KCNK13: variants seen among roughly 807,000 people sequenced by gnomAD.
KCNK13 encodes the protein potassium two pore domain channel subfamily K member 13, also known as potassium channel subfamily K member 13.
In KCNK13, 12 loss-of-function variants were observed where a neutral mutation model predicts 23.4. The ratio of observed to expected loss-of-function variants is 0.51; its 90% CI spans 0.33 to 0.83. KCNK13 has a LOEUF of 0.83. KCNK13 is among the 40% of genes least tolerant of loss of function. The pLI is 0.02. For synonymous variants in KCNK13, 231 were observed against 229.5 expected (o/e 1.01, Z -0.06); for missense variants, 463 against 556.3 (o/e 0.83, Z 1.69).
At chr14:90,063,065 G>A (rs940050111) in intron 1 of KCNK13, among the ~76,000 whole-genome samples, 1 of 151,988 alleles carries the variant, frequency 6.6e-6, no homozygotes, top group Non-Finnish European at 1.5e-5. Context: ...TGCCAATGAC[G>A]GTTCAAAAGA....
chr14:90,134,686 C>T (rs1319347132), intron 1 of KCNK13, among the ~76,000 whole-genome samples: 1 of 152,216 alleles, frequency 6.6e-6, no homozygotes, highest in Non-Finnish European at 1.5e-5. Context: ...ATTTAATCCT[C>T]ATACTATTCT....
Position 90,132,604 on chromosome 14 carries a change from A to G in KCNK13, c.335-51507A>G, listed in dbSNP as rs371106175. Among the ~76,000 whole-genome samples the G allele has an allele frequency of 4.0e-5, 6 of 151,470 alleles. No homozygotes were observed. In the East Asian group the frequency reaches 1.2e-3, roughly 29 times the overall value. ...GGAGTTTACCTGGGTTGGGAGGAGGAGGGAATAGGGAATTATTTAGTGGGC... is the reference window on the plus strand; with the variant it reads ...GGAGTTTACCTGGGTTGGGAGGAGGGGGGAATAGGGAATTATTTAGTGGGC... On this transcript the variant is annotated intron_variant, in intron 1 of 1. Transcript: ENST00000282146.
In KCNK13 at chr14:90,184,698, C is replaced by G. The variant is rs990117046; in HGVS notation, c.922C>G (p.Arg308Gly). The change falls in exon 2 of 2, where the codon CGA becomes GGA. Residue 308 changes from arginine (R) to glycine (G), a missense_variant. By Grantham distance (125) the Arg-to-Gly change is moderately radical. This residue lies in a region of KCNK13 where 166 missense variants were observed against 178.8 expected (regional missense o/e 0.93). Transcript: ENST00000282146. This position sits in a 1 kb window ranked among gnomAD's most constrained non-coding sequence, Gnocchi z 5.6. ...CCCGCAATGCCAGAGAGGACTCTTG[C>G]GATCACGCAGGAACGTGGTGATGCC... is the stretch of plus-strand genomic sequence containing the variant. ...CCPQCQRGLL[R>G]SRRNVVMPGS... The G allele has an allele frequency of 1.4e-5, 22 of 1,614,116 alleles. No homozygotes were observed. Among genetic ancestry groups the G allele is most frequent in the Non-Finnish European group, 1.8e-5 (21 of 1,180,058 alleles).
chr14:90,157,840 A>G (rs1389066397), intron 1 of KCNK13, among the ~76,000 whole-genome samples: 1 of 151,186 alleles, frequency 6.6e-6, no homozygotes, highest in African/African-American at 2.4e-5. Flanking sequence ...AGCTGGGACT[A>G]CAGGCATGTG....
chr14:90,062,671 G>T lies in KCNK13; in HGVS notation c.334+132G>T, dbSNP rs1459820383. 2 of 651,196 alleles carry T rather than the reference G, an allele frequency of 3.1e-6. No individual in the cohort carries two copies. Among genetic ancestry groups the T allele is most frequent in the Non-Finnish European group, 4.9e-6 (2 of 404,588 alleles). The allele number at this position is 651,196 out of a possible 1,614,324, so 40.3% of individuals were successfully genotyped here. On this transcript the variant is annotated intron_variant, in intron 1 of 1. Transcript: ENST00000282146. This position sits in a 1 kb window ranked among gnomAD's most constrained non-coding sequence, Gnocchi z 4.5. Reference sequence around the variant, plus strand: ...CCAGACTCCACTGACATGAGCTGTCGCCTGATCAACAGGTGGTATTGCCTC... The same window carrying T: ...CCAGACTCCACTGACATGAGCTGTCTCCTGATCAACAGGTGGTATTGCCTC...
At chr14:90,156,196 G>A (rs1283011415) in intron 1 of KCNK13, among the ~76,000 whole-genome samples, 1 of 72,638 alleles carries the variant, frequency 1.4e-5, no homozygotes, top group Non-Finnish European at 2.7e-5. Flanking sequence ...CAGAGTGAGA[G>A]TCTGGCCAAA....
At chr14:90,074,347 A>T (rs186920278) in intron 1 of KCNK13, among the ~76,000 whole-genome samples, 1 of 152,198 alleles carries the variant, frequency 6.6e-6, no homozygotes, top group African/African-American at 2.4e-5. Context: ...TTGTTCAGCC[A>T]CTTTTTTATT....
At chr14:90,172,981 A>G (rs146968748) in intron 1 of KCNK13, among the ~76,000 whole-genome samples, 1 of 152,360 alleles carries the variant, frequency 6.6e-6, no homozygotes, top group East Asian at 1.9e-4. Flanking sequence ...GCCCCCTTCC[A>G]AGCCTCACTC....
At chr14:90,173,095 C>T (rs1156675767) in intron 1 of KCNK13, among the ~76,000 whole-genome samples, 3 of 152,254 alleles carry the variant, frequency 2.0e-5, no homozygotes, top group Admixed American at 6.5e-5. Flanking sequence ...TTCAAATTAC[C>T]GTGAAACCTA....
intron 1 of KCNK13, among the ~76,000 whole-genome samples, chr14:90,135,215 A>G (rs1048240202): frequency 9.2e-5 from 14 of 152,228 alleles, no homozygotes; most frequent in African/African-American, 3.4e-4. Flanking sequence ...GATAAGGTTG[A>G]AGTGGGTTTC....
At chr14:90,070,651 C>T (rs1163857675) in intron 1 of KCNK13, among the ~76,000 whole-genome samples, 2 of 152,184 alleles carry the variant, frequency 1.3e-5, no homozygotes, top group African/African-American at 4.8e-5. Flanking sequence ...GTGCTTAAAT[C>T]TTTTTCCATC....
At chr14:90,153,430 A>G (rs1052981713) in intron 1 of KCNK13, among the ~76,000 whole-genome samples, 9 of 152,220 alleles carry the variant, frequency 5.9e-5, no homozygotes, top group Non-Finnish European at 1.2e-4. Context: ...GAATAAAATG[A>G]TCCATGTAAA....
At chr14:90,099,471 T>C (rs1435209324) in intron 1 of KCNK13, among the ~76,000 whole-genome samples, 7 of 152,124 alleles carry the variant, frequency 4.6e-5, no homozygotes, top group African/African-American at 7.2e-5. Flanking sequence ...CCAAGAGAAA[T>C]AGAATGCTCA....
intron 1 of KCNK13, among the ~76,000 whole-genome samples, chr14:90,084,637 A>T (rs1889251534): frequency 3.3e-5 from 5 of 151,950 alleles, no homozygotes; most frequent in Admixed American, 3.3e-4. Context: ...CCTTTATTTC[A>T]TGCTTGACTA....
intron 1 of KCNK13, among the ~76,000 whole-genome samples, chr14:90,078,598 A>G (rs1889170091): frequency 6.6e-6 from 1 of 151,902 alleles, no homozygotes; most frequent in African/African-American, 2.4e-5. Flanking sequence ...GGGAGAAAAG[A>G]GAAAGAAAGA....
intron 1 of KCNK13, among the ~76,000 whole-genome samples, chr14:90,173,348 C>A (rs765866808): frequency 6.6e-6 from 1 of 152,034 alleles, no homozygotes; most frequent in African/African-American, 2.4e-5. Flanking sequence ...CGGAGTGAGA[C>A]CCCACCTCTA....
intron 1 of KCNK13, among the ~76,000 whole-genome samples, chr14:90,150,984 GAAAA>G (rs891422288): frequency 6.6e-6 from 1 of 150,626 alleles, no homozygotes; most frequent in African/African-American, 2.4e-5. Context: ...GTCTCAAAAA[GAAAA>G]AAAAAGTGTG....
intron 1 of KCNK13, among the ~76,000 whole-genome samples, chr14:90,142,313 CTTTTTTTTTTT>C (rs59863610): frequency 1.2e-5 from 1 of 85,250 alleles, no homozygotes; most frequent in African/African-American, 5.1e-5. Context: ...CTGTCCAATT[CTTTTTTTTTTT>C]TTTTTTTTTT....
At chr14:90,151,912 G>A (rs565900031) in intron 1 of KCNK13, among the ~76,000 whole-genome samples, 37 of 152,256 alleles carry the variant, frequency 2.4e-4, no homozygotes, top group Admixed American at 1.0e-3. Flanking sequence ...TGGCACTTTC[G>A]TCAAAGATCA....
Sources: gnomAD v4.1 joint callset for allele counts (sites outside exome capture counted in the v4.1 genomes callset) on GRCh38, gnomAD v4.1.1 for gene constraint, gnomAD v4.1.1 regional missense constraint, Gnocchi (gnomAD v3.1) non-coding constraint, MANE v1.5 for transcripts, NCBI Gene and HGNC (gene_info 2026-07-23, HGNC 2026-07-21) for gene names.